Variants in FRAS1 observed in about 807,000 individuals in gnomAD.
The protein encoded by FRAS1 is Fraser extracellular matrix complex subunit 1.
FRAS1 carries 290 observed loss-of-function variants against 435.2 expected under a neutral mutation model. The ratio of observed to expected loss-of-function variants is 0.67; its 90% CI spans 0.61 to 0.73. The LOEUF is 0.73. Ranked by LOEUF, FRAS1 falls within the 30% of genes least tolerant of loss-of-function variation. The probability of loss-of-function intolerance (pLI) is 0.00; values close to 1 mark genes in which losing one functional copy is unlikely to be tolerated. For missense variants in FRAS1, 4,860 were observed against 5,001.5 expected, an observed-to-expected ratio of 0.97 and a Z score of 0.85; for synonymous variants, 1,800 against 1,851.0, an observed-to-expected ratio of 0.97 and a Z score of 0.71.
At chr4:78,536,817 A>G (rs1239560104) in intron 71 of FRAS1, among the ~76,000 whole-genome samples, 178 bp from the exon 72 acceptor site, 3 of 152,254 alleles carry the variant, frequency 2.0e-5, no homozygotes, top group Non-Finnish European at 4.4e-5. Context: ...AAAGAAAATA[A>G]GAATAAAAAC....
At chr4:78,116,109 G>T (rs1469618398) in intron 2 of FRAS1, among the ~76,000 whole-genome samples, 2 of 152,156 alleles carry the variant, frequency 1.3e-5, no homozygotes, top group African/African-American at 4.8e-5. Flanking sequence ...TTCAGGAGCA[G>T]GTTATTCATT....
At chr4:78,481,027 A>T in intron 56 of FRAS1, among the ~76,000 whole-genome samples, 1 of 152,146 alleles carries the variant, frequency 6.6e-6, no homozygotes, top group East Asian at 1.9e-4. Context: ...GCAAGGCTAG[A>T]TTCAAAGCCA....
intron 2 of FRAS1, among the ~76,000 whole-genome samples, chr4:78,066,361 A>G (rs1232357672): frequency 1.3e-5 from 2 of 152,134 alleles, no homozygotes; most frequent in Non-Finnish European, 2.9e-5. Flanking sequence ...TTCTGGTTGC[A>G]TTTGCTTCCC....
At chr4:78,325,784 A>T (rs190173165) in intron 18 of FRAS1, among the ~76,000 whole-genome samples, 2 of 152,336 alleles carry the variant, frequency 1.3e-5, no homozygotes, top group East Asian at 3.9e-4. Context: ...CACAAAGTAG[A>T]CGGGCTCTGT....
At chr4:78,160,564 T>C (rs900993128) in intron 2 of FRAS1, among the ~76,000 whole-genome samples, 1 of 152,158 alleles carries the variant, frequency 6.6e-6, no homozygotes, top group African/African-American at 2.4e-5. Context: ...TACAGGCTGC[T>C]TTGTTTATGT....
intron 2 of FRAS1, among the ~76,000 whole-genome samples, chr4:78,191,761 A>G (rs944828089): frequency 6.6e-6 from 1 of 151,158 alleles, no homozygotes; most frequent in African/African-American, 2.4e-5. Flanking sequence ...CTCATTGTTC[A>G]ATTCCCACCT....
intron 2 of FRAS1, among the ~76,000 whole-genome samples, chr4:78,089,143 G>A (rs1430857234): frequency 1.3e-5 from 2 of 151,840 alleles, no homozygotes; most frequent in Admixed American, 1.3e-4. Flanking sequence ...CATGGATGAA[G>A]CTGGAAACCA....
intron 20 of FRAS1, among the ~76,000 whole-genome samples, chr4:78,346,045 G>A (rs903096429): frequency 6.6e-6 from 1 of 152,180 alleles, no homozygotes; most frequent in Admixed American, 6.5e-5. Flanking sequence ...GAATTGCAGA[G>A]AAAGTTTTTG....
chr4:78,238,657 T>G (rs1724865694), intron 3 of FRAS1, among the ~76,000 whole-genome samples: 1 of 152,176 alleles, frequency 6.6e-6, no homozygotes, highest in African/African-American at 2.4e-5. Flanking sequence ...TGGAGCTTTA[T>G]GTTTATAGGG....
intron 2 of FRAS1, among the ~76,000 whole-genome samples, chr4:78,132,743 G>A (rs1409411330): frequency 6.6e-6 from 1 of 152,152 alleles, no homozygotes; most frequent in African/African-American, 2.4e-5. Flanking sequence ...GAGTTTGGGT[G>A]TTTTTCACAT....
intron 2 of FRAS1, among the ~76,000 whole-genome samples, chr4:78,142,499 A>T (rs868501223): frequency 6.6e-6 from 1 of 152,130 alleles, no homozygotes; most frequent in African/African-American, 2.4e-5. Context: ...TAGGTGATAC[A>T]AAAAGATCCG....
chr4:78,157,295 T>C (rs747276760), intron 2 of FRAS1, among the ~76,000 whole-genome samples: 1 of 152,224 alleles, frequency 6.6e-6, no homozygotes, highest in East Asian at 1.9e-4. Flanking sequence ...TGTACATGCA[T>C]ATGTCTTTTT....
chr4:78,232,983 A>T (rs1019261719), intron 2 of FRAS1, among the ~76,000 whole-genome samples: 9 of 152,202 alleles, frequency 5.9e-5, no homozygotes, highest in African/African-American at 2.2e-4. Context: ...CATAAAGAAA[A>T]ACTATGGTTT....
chr4:78,506,872 G>A (rs957004975), intron 61 of FRAS1, among the ~76,000 whole-genome samples: 7 of 152,036 alleles, frequency 4.6e-5, no homozygotes, highest in East Asian at 1.9e-4. Flanking sequence ...GTTCCTATTC[G>A]GCCATCTTGG....
chr4:78,420,918 A>ATATT (rs1375498604), intron 33 of FRAS1, among the ~76,000 whole-genome samples: 16 of 118,892 alleles, frequency 1.3e-4, no homozygotes, highest in African/African-American at 4.6e-4. Context: ...ATATATATAT[A>ATATT]TATTTATATA....
At chr4:78,438,762 G>C (rs773725815) in intron 39 of FRAS1, 44 bp downstream of exon 39, 4 of 1,540,070 alleles carry the variant, frequency 2.6e-6, no homozygotes, top group African/African-American at 1.4e-5. Flanking sequence ...TTAAAAACTT[G>C]TATGAAAATA....
chr4:78,170,124 T>C (rs1560561209), intron 2 of FRAS1, among the ~76,000 whole-genome samples: 3 of 152,142 alleles, frequency 2.0e-5, no homozygotes, highest in Admixed American at 2.0e-4. Flanking sequence ...GATCCCTCAA[T>C]TGGGTCTCCT....
At chr4:78,518,374 T>C (rs1157681494) in intron 66 of FRAS1, among the ~76,000 whole-genome samples, 1 of 148,436 alleles carries the variant, frequency 6.7e-6, no homozygotes, top group Admixed American at 6.7e-5. Flanking sequence ...ATTATAGTAA[T>C]TAGCCAATGA....
chr4:78,431,602 A>ATG (rs1734225211), intron 37 of FRAS1, among the ~76,000 whole-genome samples: 1 of 152,204 alleles, frequency 6.6e-6, no homozygotes. Flanking sequence ...AAGAAGAGCA[A>ATG]TTTCACAACT....
Sources: gnomAD v4.1 joint callset for allele counts (sites outside exome capture counted in the v4.1 genomes callset) on GRCh38, gnomAD v4.1.1 for gene constraint, MANE v1.5 for transcripts, NCBI Gene and HGNC (gene_info 2026-07-23, HGNC 2026-07-21) for gene names.